Variants in DYRK1A observed in about 807,000 individuals in gnomAD.
DYRK1A encodes dual specificity tyrosine-phosphorylation-regulated kinase 1A.
DYRK1A carries 9 observed loss-of-function variants against 79.7 expected under a neutral mutation model. The observed-to-expected ratio is 0.11, with a 90% confidence interval of 0.07 to 0.20. DYRK1A has a LOEUF of 0.20. Among genes scored for constraint, DYRK1A ranks in the 10% least tolerant of loss-of-function variants. The probability of loss-of-function intolerance (pLI) is 1.00; values close to 1 mark genes in which losing one functional copy is unlikely to be tolerated. For synonymous variants in DYRK1A, 349 were observed against 329.7 expected, an observed-to-expected ratio of 1.06 and a Z score of -0.63; for missense variants, 622 against 956.0, an observed-to-expected ratio of 0.65 and a Z score of 4.61.
rs746019339 is a variant in DYRK1A at position 37,512,536 on chromosome 21, A to G, written c.*5A>G. On this transcript the variant is annotated 3_prime_UTR_variant, in exon 12 of 12. Coordinates refer to ENST00000647188, the MANE Select transcript of DYRK1A (RefSeq NM_001347721.2). ...AGTCCTGTAGCTAGCTCGTGACTAC[A>G]TTGAAACTTGAGTTTGTTTCTTGTG... 1.6e-5 allele frequency: 26 copies of G among 1,603,654 alleles called. No individual in the cohort carries two copies. In the East Asian group the frequency reaches 5.2e-4, roughly 32 times the overall value.
At position 37,456,865 on chromosome 21, in the gene DYRK1A, G is replaced by A. The variant is rs1202450283; in HGVS notation, c.11-15819G>A. 2.0e-5 allele frequency among the ~76,000 whole-genome samples: 3 copies of A among 152,076 alleles called. No homozygotes were observed. In the East Asian group the frequency reaches 5.8e-4, roughly 29 times the overall value. On this transcript the variant is annotated intron_variant, in intron 2 of 11. Transcript: ENST00000647188. ...AGTTGGCATAGAATAAGAGTTCAGT[G>A]AATGTTGTCACTACTTTTTATTACT...
intron 1 of DYRK1A, among the ~76,000 whole-genome samples, chr21:37,412,894 T>G (rs1777249168): frequency 6.6e-6 from 1 of 152,116 alleles, no homozygotes; most frequent in Non-Finnish European, 1.5e-5. Context: ...GTGAAAAGTT[T>G]GAGTGGAGAA....
At chr21:37,415,716 C>T (rs1014567651) in intron 1 of DYRK1A, among the ~76,000 whole-genome samples, 4 of 152,112 alleles carry the variant, frequency 2.6e-5, no homozygotes, top group Non-Finnish European at 5.9e-5. Flanking sequence ...ATCTACCTCC[C>T]TCTGCCTCCC....
At chr21:37,440,945 A>G (rs986720290) in intron 2 of DYRK1A, among the ~76,000 whole-genome samples, 7 of 152,150 alleles carry the variant, frequency 4.6e-5, no homozygotes, top group Admixed American at 3.3e-4. Context: ...CAGATCTTGT[A>G]TATCTTTATT....
chr21:37,474,565 C>T (rs965793186), intron 3 of DYRK1A, among the ~76,000 whole-genome samples: 6 of 152,126 alleles, frequency 3.9e-5, no homozygotes, highest in East Asian at 1.9e-4. Flanking sequence ...AGGTCTTGGC[C>T]GGCTCATGAT....
At chr21:37,403,548 C>T (rs774938884) in intron 1 of DYRK1A, among the ~76,000 whole-genome samples, 1 of 151,826 alleles carries the variant, frequency 6.6e-6, no homozygotes, top group Non-Finnish European at 1.5e-5. Context: ...TCACTGCTAC[C>T]TCACACTGCT....
At chr21:37,511,778 C>G (rs2053755303) in intron 11 of DYRK1A, 133 bp from the exon 12 acceptor site, 1 of 1,069,434 alleles carries the variant, frequency 9.4e-7, no homozygotes, top group Admixed American at 2.8e-5. Context: ...ACTGTCTTAA[C>G]ACATTAAAAG....
At chr21:37,417,523 CTTTTTCTTTTT>C (rs1306966100) in intron 1 of DYRK1A, among the ~76,000 whole-genome samples, 23 of 47,170 alleles carry the variant, frequency 4.9e-4, no homozygotes, top group African/African-American at 1.8e-3. Context: ...TTTTCTTTTT[CTTTTTCTTTTT>C]TTTTTTTTTT....
Position 37,512,705 on chromosome 21 carries a change from T to C in DYRK1A, c.*174T>C. On this transcript the variant is annotated 3_prime_UTR_variant, in exon 12 of 12. Transcript: ENST00000647188. Reference sequence around the variant, plus strand: ...AAAAGATTGCAAAGGGACATTGAAGTGTTTAAAAGAGCCATGTCCAAACCC... The same window carrying C: ...AAAAGATTGCAAAGGGACATTGAAGCGTTTAAAAGAGCCATGTCCAAACCC... 1 of 729,964 alleles carries C rather than the reference T, an allele frequency of 1.4e-6. No individual in the cohort carries two copies. Among genetic ancestry groups the C allele is most frequent in the Admixed American group, 2.9e-5 (1 of 34,112 alleles). The allele number at this position is 729,964 out of a possible 1,614,324, so 45.2% of individuals were successfully genotyped here. A position where few individuals can be genotyped will look rare whatever the true frequency, so the allele number is the denominator to read the frequency against.
chr21:37,519,313 A>G lies in DYRK1A; in HGVS notation c.*6782A>G, dbSNP rs1391908405. 6.6e-6 allele frequency: 1 copy of G among 152,200 alleles called. No homozygotes were observed. The highest frequency in any genetic ancestry group is 1.5e-5 in the Non-Finnish European group (1 of 68,056). The allele number at this position is 152,200 out of a possible 1,614,324, so 9.4% of individuals were successfully genotyped here. ...AGAATCCCAAAGAGGTTCAGATCCC[A>G]CTGCTCCTCTCATTGGCTTCGTGAC... On this transcript the variant is annotated 3_prime_UTR_variant, in exon 12 of 12. Coordinates refer to ENST00000647188, the MANE Select transcript of DYRK1A (RefSeq NM_001347721.2).
chr21:37,373,512 A>G (rs974522202), intron 1 of DYRK1A, among the ~76,000 whole-genome samples: 4 of 152,212 alleles, frequency 2.6e-5, no homozygotes, highest in African/African-American at 7.2e-5. Context: ...TCATAAAACA[A>G]CAGTATAACT....
intron 1 of DYRK1A, among the ~76,000 whole-genome samples, chr21:37,371,655 A>AT (rs891588833): frequency 2.1e-4 from 32 of 151,706 alleles, no homozygotes; most frequent in African/African-American, 6.0e-4. Flanking sequence ...AAGTTACATA[A>AT]TTTTTTTTTG....
intron 1 of DYRK1A, among the ~76,000 whole-genome samples, chr21:37,401,539 A>G (rs528570884): frequency 8.6e-4 from 128 of 149,160 alleles, no homozygotes; most frequent in African/African-American, 3.1e-3. Flanking sequence ...CTGGAGTGCA[A>G]TGGTACCATC....
At chr21:37,438,291 T>C (rs1312802216) in intron 2 of DYRK1A, among the ~76,000 whole-genome samples, 7 of 152,208 alleles carry the variant, frequency 4.6e-5, no homozygotes, top group Non-Finnish European at 1.0e-4. Context: ...TAAAAGTGTC[T>C]TGAAGATCTG....
intron 1 of DYRK1A, among the ~76,000 whole-genome samples, chr21:37,406,749 C>CTATATATCTA (rs201288496): frequency 6.1e-5 from 9 of 147,704 alleles, no homozygotes; most frequent in African/African-American, 2.0e-4. Context: ...CTATATATCT[C>CTATATATCTA]TATATATCTA....
intron 1 of DYRK1A, among the ~76,000 whole-genome samples, chr21:37,412,558 G>A (rs1436449209): frequency 6.6e-6 from 1 of 152,140 alleles, no homozygotes; most frequent in Admixed American, 6.5e-5. Context: ...ATAACCATCA[G>A]GCCTAGGAGA....
chr21:37,476,833 C>T lies in DYRK1A; in HGVS notation c.208-1375C>T, dbSNP rs939696458. ...CACCAAGGGTTCCCCCCCCCCCCAA[C>T]CTTATTTGGAATTAAGAAGCACAGG... is the stretch of plus-strand genomic sequence containing the variant. On this transcript the variant is annotated intron_variant, in intron 3 of 11. Transcript: ENST00000647188. Among the ~76,000 whole-genome samples, 12 of 138,094 alleles carry T rather than the reference C, an allele frequency of 8.7e-5. No homozygotes were observed. In the East Asian group the frequency reaches 1.5e-3, roughly 18 times the overall value. The allele number at this position is 138,094 out of a possible 152,430, so 90.6% of individuals were successfully genotyped here.
chr21:37,410,249 C>G lies in DYRK1A; in HGVS notation c.-76-10050C>G, dbSNP rs536604433. 1.8e-4 allele frequency among the ~76,000 whole-genome samples: 28 copies of G among 152,222 alleles called. No individual in the cohort carries two copies. The East Asian group carries it at 5.4e-3, about 29-fold the overall frequency. ...TCTTCCTGTTCAGTTGGAGAAGAAG[C>G]TGAGGAATAAGTCTTTGTGCATATG... On this transcript the variant is annotated intron_variant, in intron 1 of 11. Coordinates refer to ENST00000647188, the MANE Select transcript of DYRK1A (RefSeq NM_001347721.2).
At chr21:37,460,866 G>T (rs1407168506) in intron 2 of DYRK1A, among the ~76,000 whole-genome samples, 2 of 152,014 alleles carry the variant, frequency 1.3e-5, no homozygotes, top group South Asian at 2.1e-4. Context: ...GGATATTAAA[G>T]AAAATATAAA....
Sources: allele counts gnomAD v4.1 joint callset (sites outside exome capture counted in the v4.1 genomes callset), GRCh38; gene constraint gnomAD v4.1.1; transcripts MANE v1.5; gene names NCBI Gene and HGNC (gene_info 2026-07-23, HGNC 2026-07-21).